The following PTK7 variants were observed in gnomAD, a reference collection of about 807,000 sequenced individuals.
PTK7 encodes the protein protein tyrosine kinase 7 (inactive), also known as inactive tyrosine-protein kinase 7.
PTK7 carries 39 observed loss-of-function variants against 116.6 expected under a neutral mutation model. The ratio of observed to expected loss-of-function variants is 0.33; its 90% CI spans 0.26 to 0.44. The LOEUF is 0.44. Among genes scored for constraint, PTK7 ranks in the 20% least tolerant of loss-of-function variants. The pLI is 1.00. For missense variants in PTK7, 1,169 were observed against 1,425.6 expected, an observed-to-expected ratio of 0.82 and a Z score of 2.90; for synonymous variants, 546 against 563.6, an observed-to-expected ratio of 0.97 and a Z score of 0.44.
At position 43,151,144 on chromosome 6, in the gene PTK7, C is replaced by T. The variant is rs562609227; in HGVS notation, c.2721+4446C>T. On this transcript the variant is annotated intron_variant, in intron 17 of 19. Transcript: ENST00000230419. ...CCAGACTCTGCTTTTTCATGGAAAC[C>T]CCAGTGTACTTCCCTGTACCCAGAG... is the stretch of plus-strand genomic sequence containing the variant. Among the ~76,000 whole-genome samples the T allele has an allele frequency of 1.3e-4, 20 of 151,770 alleles. No homozygotes were observed. The South Asian group carries it at 4.0e-3, about 30-fold the overall frequency.
intron 1 of PTK7, among the ~76,000 whole-genome samples, chr6:43,089,324 T>C (rs888488437): frequency 2.0e-5 from 3 of 152,228 alleles, no homozygotes; most frequent in Non-Finnish European, 4.4e-5. Context: ...GGGACAACTC[T>C]AGTGATCTGA....
chr6:43,126,406 T>C (rs12662888), intron 1 of PTK7, among the ~76,000 whole-genome samples: 19,163 of 152,202 alleles, frequency 0.13, 2,053 homozygotes, highest in East Asian at 0.32. Context: ...TGCCCATCTG[T>C]GTCATGAGAG....
intron 1 of PTK7, among the ~76,000 whole-genome samples, chr6:43,106,287 A>G (rs1429638618): frequency 6.6e-6 from 1 of 151,846 alleles, no homozygotes; most frequent in African/African-American, 2.4e-5. Flanking sequence ...CTATTTGCCA[A>G]GTCCCGTTCC....
At chr6:43,153,022 G>C (rs2150473267) in intron 17 of PTK7, among the ~76,000 whole-genome samples, 1 of 152,052 alleles carries the variant, frequency 6.6e-6, no homozygotes, top group Non-Finnish European at 1.5e-5. Context: ...CTGACCTCAA[G>C]TGATCCGCCT....
chr6:43,088,471 G>T (rs144509873), intron 1 of PTK7, among the ~76,000 whole-genome samples: 87 of 152,168 alleles, frequency 5.7e-4, no homozygotes, highest in Admixed American at 1.8e-3. Flanking sequence ...GAGGCGGGTG[G>T]ATCATGAGGT....
At chr6:43,147,984 AACAG>A (rs575898175) in intron 17 of PTK7, among the ~76,000 whole-genome samples, 90 of 152,292 alleles carry the variant, frequency 5.9e-4, no homozygotes, top group African/African-American at 1.5e-3. Context: ...GCAAAATTAA[AACAG>A]ACAGGCATCA....
intron 1 of PTK7, among the ~76,000 whole-genome samples, chr6:43,106,681 T>C (rs1767906367): frequency 7.4e-6 from 1 of 135,370 alleles, no homozygotes; most frequent in Non-Finnish European, 1.5e-5. Flanking sequence ...TGAGACAGAG[T>C]CTTGCTCTGT....
chr6:43,144,302 A>G (rs1770597272), intron 14 of PTK7, 149 bp from the exon 15 acceptor site: 1 of 890,326 alleles, frequency 1.1e-6, no homozygotes. Context: ...CAGCCCCATT[A>G]TTTCATCATT....
chr6:43,095,313 A>C (rs1014560150), intron 1 of PTK7, among the ~76,000 whole-genome samples: 4 of 151,918 alleles, frequency 2.6e-5, no homozygotes, highest in Non-Finnish European at 2.9e-5. Context: ...CGGAGGTTGC[A>C]GTGAGCCAAG....
At chr6:43,160,180 A>G (rs1171078047) in intron 19 of PTK7, among the ~76,000 whole-genome samples, 1 of 152,050 alleles carries the variant, frequency 6.6e-6, no homozygotes, top group East Asian at 1.9e-4. Flanking sequence ...CAGTGGCCCG[A>G]TCTCCGTTCA....
Position 43,142,280 on chromosome 6 carries a change from G to A in PTK7, c.2028G>A (p.Glu676=). The stretch of plus-strand genomic sequence containing the variant: ...ACAGCTGCAACATCAAGCACACGGA[G>A]GCCCCCCTCTATGTCGTGGGTATGG... ...AGNSCNIKHT[E]APLYVVDKPV... is the part of the protein sequence containing the mutation. Residue 676 remains glutamate (E), a synonymous_variant, in exon 13 of 20, where the codon GAG becomes GAA. Transcript: ENST00000230419. 1.2e-6 allele frequency: 2 copies of A among 1,614,190 alleles called. No individual in the cohort carries two copies. Among genetic ancestry groups the A allele is most frequent in the Admixed American group, 1.7e-5 (1 of 60,022 alleles).
intron 1 of PTK7, among the ~76,000 whole-genome samples, chr6:43,079,098 C>G (rs1346659054): frequency 6.6e-6 from 1 of 152,120 alleles, no homozygotes. Flanking sequence ...GGACAGAGCT[C>G]AAGCAATGGA....
At chr6:43,088,075 A>G (rs1766754348) in intron 1 of PTK7, among the ~76,000 whole-genome samples, 1 of 152,040 alleles carries the variant, frequency 6.6e-6, no homozygotes. Context: ...AGGCGTGAGG[A>G]TTGCTTGAGC....
At position 43,076,916 on chromosome 6, in the gene PTK7, A is replaced by G; in HGVS notation, c.79+349A>G. 1 of 1,515,276 alleles carries G rather than the reference A, an allele frequency of 6.6e-7. No individual in the cohort carries two copies. The allele number at this position is 1,515,276 out of a possible 1,614,324, so 93.9% of individuals were successfully genotyped here. A position where few individuals can be genotyped will look rare whatever the true frequency, so the allele number is the denominator to read the frequency against. On this transcript the variant is annotated intron_variant, in intron 1 of 19. Transcript: ENST00000230419. This position sits in a 1 kb window ranked among gnomAD's most constrained non-coding sequence, Gnocchi z 5.7. The stretch of plus-strand genomic sequence containing the variant: ...GTTTCTTGTCGGGGGAGAAAAGACC[A>G]TCCGCACCCACCGTGGGGAGCGCGA...
At chr6:43,144,299 A>C in intron 14 of PTK7, 152 bp from the exon 15 acceptor site, 14 of 821,910 alleles carry the variant, frequency 1.7e-5, no homozygotes, top group East Asian at 5.3e-5. Context: ...CCCCAGCCCC[A>C]TTATTTCATC....
intron 1 of PTK7, among the ~76,000 whole-genome samples, chr6:43,082,321 G>A (rs1407638554): frequency 3.3e-5 from 5 of 151,856 alleles, no homozygotes; most frequent in African/African-American, 4.8e-5. Flanking sequence ...GATTACAGGC[G>A]CGCACCACCA....
chr6:43,150,787 CTTTTTTTTTTT>C (rs1176963526), intron 17 of PTK7, among the ~76,000 whole-genome samples: 6 of 60,742 alleles, frequency 9.9e-5, no homozygotes, highest in Admixed American at 4.5e-4. Flanking sequence ...GTAGACTCAG[CTTTTTTTTTTT>C]TTTTTTTTTT....
intron 1 of PTK7, among the ~76,000 whole-genome samples, chr6:43,098,887 G>T (rs1354128471): frequency 6.6e-6 from 1 of 152,136 alleles, no homozygotes; most frequent in African/African-American, 2.4e-5. Context: ...GATTGAATAA[G>T]AAAGTTTCAT....
In PTK7 at chr6:43,131,830, C is replaced by G. The variant is rs1411796473; in HGVS notation, c.813-186C>G. On this transcript the variant is annotated intron_variant, in intron 5 of 19. Coordinates refer to ENST00000230419, the MANE Select transcript of PTK7 (RefSeq NM_002821.5). ...CCTGTAGTTGGAACACACACCTGCA[C>G]GTGCACCTGAGCAAGTGTATGCAGG... 17 of 735,742 alleles carry G rather than the reference C, an allele frequency of 2.3e-5. No individual in the cohort carries two copies. In the South Asian group the frequency reaches 2.6e-4, roughly 11 times the overall value. The allele number at this position is 735,742 out of a possible 1,614,324, so 45.6% of individuals were successfully genotyped here. A position where few individuals can be genotyped will look rare whatever the true frequency, so the allele number is the denominator to read the frequency against.
Sources: allele counts gnomAD v4.1 joint callset (sites outside exome capture counted in the v4.1 genomes callset), GRCh38; gene constraint gnomAD v4.1.1; non-coding constraint Gnocchi (gnomAD v3.1); transcripts MANE v1.5; gene names NCBI Gene and HGNC (gene_info 2026-07-23, HGNC 2026-07-21).